The following MTMR3 variants were observed in gnomAD, a reference collection of about 807,000 sequenced individuals.
MTMR3 encodes myotubularin related protein 3, also known as phosphatidylinositol-3,5-bisphosphate 3-phosphatase MTMR3.
A neutral mutation model predicts 132.4 loss-of-function variants in MTMR3; 32 were observed. The ratio of observed to expected loss-of-function variants is 0.24; its 90% CI spans 0.18 to 0.32. The LOEUF is 0.32. Among genes scored for constraint, MTMR3 ranks in the 10% least tolerant of loss-of-function variants. The probability of loss-of-function intolerance (pLI) is 1.00; values close to 1 mark genes in which losing one functional copy is unlikely to be tolerated. For synonymous variants in MTMR3, 556 were observed against 550.3 expected (o/e 1.01, Z -0.14); for missense variants, 1,216 against 1,489.6 (o/e 0.82, Z 3.02).
chr22:30,000,830 G>C (rs571756071), intron 8 of MTMR3: 5 of 152,310 alleles, frequency 3.3e-5, no homozygotes, highest in African/African-American at 1.2e-4. Context: ...AACCTATACT[G>C]GAAATTGTTT....
intron 1 of MTMR3, among the ~76,000 whole-genome samples, chr22:29,891,013 G>A (rs2064786934): frequency 6.7e-6 from 1 of 148,514 alleles, no homozygotes; most frequent in Admixed American, 6.7e-5. Flanking sequence ...ACAACATAGC[G>A]AGACCATCTC....
At chr22:30,003,167 A>T in intron 9 of MTMR3, 174 bp downstream of exon 9, 1 of 498,812 alleles carries the variant, frequency 2.0e-6, no homozygotes, top group Admixed American at 3.3e-5. Flanking sequence ...ATCAGTACTG[A>T]CTGCATTCAG....
intron 2 of MTMR3, among the ~76,000 whole-genome samples, chr22:29,965,845 T>C (rs1243571728): frequency 3.3e-5 from 5 of 152,152 alleles, no homozygotes; most frequent in Non-Finnish European, 7.3e-5. Context: ...ACATCCGGGA[T>C]GCTTGTGAGA....
intron 9 of MTMR3, chr22:30,004,254 A>T (rs1382754245): frequency 2.0e-5 from 3 of 152,252 alleles, no homozygotes; most frequent in East Asian, 3.9e-4. Flanking sequence ...GAAGGGATTT[A>T]TGAGTCTTAT....
chr22:29,952,685 C>G (rs925567098), intron 1 of MTMR3, among the ~76,000 whole-genome samples: 2 of 151,438 alleles, frequency 1.3e-5, no homozygotes, highest in African/African-American at 2.4e-5. Flanking sequence ...CCACCACTTA[C>G]CACAGTAGCT....
At chr22:29,884,159 G>A (rs1413764984) in intron 1 of MTMR3, among the ~76,000 whole-genome samples, 11 of 152,128 alleles carry the variant, frequency 7.2e-5, no homozygotes, top group Non-Finnish European at 1.5e-4. Flanking sequence ...GACATGGACT[G>A]CTATTACATA....
Position 30,019,851 on chromosome 22 carries a change from C to T in MTMR3, c.2192C>T (p.Thr731Ile), listed in dbSNP as rs769818933. The T allele has an allele frequency of 6.2e-7, 1 of 1,614,194 alleles. No individual in the cohort carries two copies. The highest frequency in any genetic ancestry group is 1.7e-5 in the Admixed American group (1 of 60,032). Reference sequence around the variant, plus strand: ...TTAGAAAAGGAGAGCAGGAGGAAGACACCTGAGGCCTCAGCCATTGGACTT... The same window carrying T: ...TTAGAAAAGGAGAGCAGGAGGAAGATACCTGAGGCCTCAGCCATTGGACTT... Reference protein sequence around the residue: ...PLLEKESRRKTPEASAIGLHQ... With the variant: ...PLLEKESRRKIPEASAIGLHQ... Residue 731 changes from threonine to isoleucine, a missense_variant, in exon 17 of 20, where the codon ACA becomes ATA. Coordinates refer to ENST00000401950, the MANE Select transcript of MTMR3 (RefSeq NM_021090.4).
intron 1 of MTMR3, among the ~76,000 whole-genome samples, chr22:29,894,278 G>A (rs1283965646): frequency 6.6e-6 from 1 of 152,194 alleles, no homozygotes; most frequent in Non-Finnish European, 1.5e-5. Flanking sequence ...GAAGTAGTAT[G>A]GGAGGAGTGG....
intron 1 of MTMR3, among the ~76,000 whole-genome samples, chr22:29,923,084 C>A (rs570558371): frequency 6.6e-6 from 1 of 150,710 alleles, no homozygotes; most frequent in South Asian, 2.1e-4. Flanking sequence ...CTCTATTGCC[C>A]AGGCTGGGGT....
Position 30,020,068 on chromosome 22 carries a change from G to C in MTMR3, c.2409G>C (p.Glu803Asp), listed in dbSNP as rs181039914. Residue 803 changes from glutamate (E) to aspartate (D), a missense_variant, in exon 17 of 20, where the codon GAG (glutamate) becomes GAC (aspartate). Glu to Asp is a conservative substitution (Grantham distance 45). Coordinates refer to ENST00000401950, the MANE Select transcript of MTMR3 (RefSeq NM_021090.4). Reference protein sequence around the residue: ...VEQFRIEEIAEGREEAVLPIP... With the variant: ...VEQFRIEEIADGREEAVLPIP... ...AGTTTCGAATAGAAGAGATTGCAGA[G>C]GGTAGGGAGGAAGCAGTTCTTCCAA... 2.5e-6 allele frequency: 4 copies of C among 1,614,094 alleles called. No homozygotes were observed. The South Asian group carries it at 3.3e-5, about 13-fold the overall frequency.
At chr22:29,980,678 C>T (rs1360624105) in intron 5 of MTMR3, 1 of 152,070 alleles carries the variant, frequency 6.6e-6, no homozygotes, top group Non-Finnish European at 1.5e-5. Context: ...CTCATATCAT[C>T]CTGTATTTAT....
At chr22:30,022,749 G>C in intron 19 of MTMR3, 52 bp downstream of exon 19, 4 of 1,481,138 alleles carry the variant, frequency 2.7e-6, no homozygotes, top group Non-Finnish European at 3.7e-6. Context: ...GTTGAGGGTC[G>C]GCCCACAGAG....
chr22:30,019,257 G>A (rs539891234), intron 16 of MTMR3: 10 of 540,818 alleles, frequency 1.8e-5, no homozygotes, highest in African/African-American at 1.7e-4. Context: ...GTATGTATGG[G>A]GCATGGGGTT....
intron 3 of MTMR3, among the ~76,000 whole-genome samples, chr22:29,972,755 G>A (rs2066560500): frequency 6.6e-6 from 1 of 152,122 alleles, no homozygotes; most frequent in South Asian, 2.1e-4. Flanking sequence ...ATTTTCAGTA[G>A]AGACGGGGTT....
chr22:30,023,179 C>T lies in MTMR3; in HGVS notation c.3425+482C>T, dbSNP rs939477215. Reference sequence around the variant, plus strand: ...GGACAGTCTTCCAATCATTAAGGTTCCTGACTTCTTTTTCCTTCTGGGTTA... The same window carrying T: ...GGACAGTCTTCCAATCATTAAGGTTTCTGACTTCTTTTTCCTTCTGGGTTA... On this transcript the variant is annotated intron_variant, in intron 19 of 19. Coordinates refer to ENST00000401950, the MANE Select transcript of MTMR3 (RefSeq NM_021090.4). The T allele has an allele frequency of 8.1e-6, 4 of 494,932 alleles. No homozygotes were observed. The South Asian group carries it at 9.1e-5, about 11-fold the overall frequency. The allele number at this position is 494,932 out of a possible 1,614,324, so 30.7% of individuals were successfully genotyped here. A position where few individuals can be genotyped will look rare whatever the true frequency, so the allele number is the denominator to read the frequency against.
intron 19 of MTMR3, chr22:30,025,261 G>C (rs535759248): frequency 2.1e-5 from 5 of 241,236 alleles, no homozygotes; most frequent in Middle Eastern, 1.6e-3. Flanking sequence ...AAGCTACACA[G>C]AGGGCATTGC....
chr22:29,890,996 A>C (rs1733104355), intron 1 of MTMR3, among the ~76,000 whole-genome samples: 1 of 151,932 alleles, frequency 6.6e-6, no homozygotes. Context: ...GCTGTACTCT[A>C]GCCTGGACAA....
intron 10 of MTMR3, 42 bp downstream of exon 10, chr22:30,007,361 T>C (rs1569046584): frequency 6.3e-7 from 1 of 1,579,450 alleles, no homozygotes; most frequent in Non-Finnish European, 8.7e-7. Flanking sequence ...TTTTATAGCA[T>C]CTAAGAACCT....
At chr22:29,941,492 CAA>C (rs2145811789) in intron 1 of MTMR3, among the ~76,000 whole-genome samples, 1 of 151,960 alleles carries the variant, frequency 6.6e-6, no homozygotes, top group Admixed American at 6.5e-5. Flanking sequence ...AACTGTCCTC[CAA>C]AGTGGTAATG....
Sources: gnomAD v4.1 joint callset for allele counts (sites outside exome capture counted in the v4.1 genomes callset) on GRCh38, gnomAD v4.1.1 for gene constraint, MANE v1.5 for transcripts, NCBI Gene and HGNC (gene_info 2026-07-23, HGNC 2026-07-21) for gene names.